SLC24A2: variants seen among roughly 807,000 people sequenced by gnomAD.
SLC24A2 encodes sodium/potassium/calcium exchanger 2.
Under a neutral mutation model 62.0 loss-of-function variants are expected in SLC24A2, and 36 were observed. The ratio of observed to expected loss-of-function variants is 0.58; its 90% CI spans 0.44 to 0.77. The LOEUF (loss-of-function observed/expected upper bound fraction) is 0.77. Ranked by LOEUF, SLC24A2 falls within the 30% of genes least tolerant of loss-of-function variation. The pLI, the probability that SLC24A2 is intolerant of heterozygous loss-of-function variation, is 0.00. For missense variants in SLC24A2, 846 were observed against 817.9 expected (o/e 1.03, Z -0.42); for synonymous variants, 358 against 294.0 (o/e 1.22, Z -2.23).
At chr9:19,923,547 TG>T in the SLC24A2 span, among the ~76,000 whole-genome samples, 3 of 152,100 alleles carry the variant, frequency 2.0e-5, no homozygotes, top group African/African-American at 7.2e-5. Flanking sequence ...TAGCCCACCT[TG>T]GAAGCCACAT....
the SLC24A2 span, among the ~76,000 whole-genome samples, chr9:20,205,897 C>A: frequency 6.6e-6 from 1 of 152,016 alleles, no homozygotes; most frequent in Non-Finnish European, 1.5e-5. Flanking sequence ...ATGAAGTCGA[C>A]AATGATATTA....
At chr9:20,154,477 C>T in the SLC24A2 span, among the ~76,000 whole-genome samples, 1 of 151,522 alleles carries the variant, frequency 6.6e-6, no homozygotes, top group African/African-American at 2.4e-5. Flanking sequence ...AGAAATGCAG[C>T]GGAGATGGGA....
chr9:19,590,394 T>C (rs917891715), intron 5 of SLC24A2, among the ~76,000 whole-genome samples: 1 of 152,098 alleles, frequency 6.6e-6, no homozygotes, highest in Admixed American at 6.6e-5. Flanking sequence ...TACTGAAACT[T>C]GACTATTTCC....
chr9:19,709,482 A>G (rs1324323966), intron 2 of SLC24A2, among the ~76,000 whole-genome samples: 1 of 152,102 alleles, frequency 6.6e-6, no homozygotes, highest in Non-Finnish European at 1.5e-5. Flanking sequence ...ACTATTCACA[A>G]TAGCAAAGAC....
the SLC24A2 span, among the ~76,000 whole-genome samples, chr9:19,849,559 C>A: frequency 6.6e-6 from 1 of 152,032 alleles, no homozygotes; most frequent in South Asian, 2.1e-4. Context: ...ATAAAGCACA[C>A]TGGGGAAAGA....
intron 2 of SLC24A2, among the ~76,000 whole-genome samples, chr9:19,673,051 A>G (rs1402683466): frequency 6.8e-6 from 1 of 146,320 alleles, no homozygotes; most frequent in Non-Finnish European, 1.5e-5. Flanking sequence ...TGTTAAGTGC[A>G]TTTGTTCCAG....
At chr9:19,572,754 A>G (rs1835876947) in intron 7 of SLC24A2, among the ~76,000 whole-genome samples, 1 of 152,238 alleles carries the variant, frequency 6.6e-6, no homozygotes, top group Admixed American at 6.5e-5. Context: ...TAGGTGTTTG[A>G]TAAATGTTAG....
the SLC24A2 span, among the ~76,000 whole-genome samples, chr9:20,184,152 A>G: frequency 0.53 from 80,379 of 152,050 alleles, 21,613 homozygotes; most frequent in South Asian, 0.59. Context: ...AATGGCCAAC[A>G]GGTTCATGAA....
chr9:19,892,156 G>C, the SLC24A2 span, among the ~76,000 whole-genome samples: 1 of 151,884 alleles, frequency 6.6e-6, no homozygotes, highest in Non-Finnish European at 1.5e-5. Flanking sequence ...CTTCCGTTTA[G>C]AATGTTTTTC....
At chr9:19,785,363 C>T (rs1182463564) in intron 2 of SLC24A2, among the ~76,000 whole-genome samples, 2 of 152,194 alleles carry the variant, frequency 1.3e-5, no homozygotes, top group Non-Finnish European at 2.9e-5. Flanking sequence ...ACAATGGATG[C>T]TGATCAGTTC....
At chr9:20,134,137 A>G in the SLC24A2 span, among the ~76,000 whole-genome samples, 10 of 152,144 alleles carry the variant, frequency 6.6e-5, no homozygotes, top group African/African-American at 2.4e-4. Flanking sequence ...AGCCAGAAAG[A>G]TACTCAAGAA....
At chr9:19,642,981 G>C (rs568466575) in intron 2 of SLC24A2, among the ~76,000 whole-genome samples, 1 of 123,048 alleles carries the variant, frequency 8.1e-6, no homozygotes, top group Admixed American at 9.5e-5. Context: ...TGCCTGGCCA[G>C]TATTCTTTTT....
the SLC24A2 span, among the ~76,000 whole-genome samples, chr9:19,833,899 A>G: frequency 6.6e-6 from 1 of 152,232 alleles, no homozygotes; most frequent in Non-Finnish European, 1.5e-5. Flanking sequence ...ACAATCAGGC[A>G]GCAGCATTTG....
At chr9:20,035,950 T>C in the SLC24A2 span, among the ~76,000 whole-genome samples, 2 of 152,098 alleles carry the variant, frequency 1.3e-5, no homozygotes, top group African/African-American at 4.8e-5. Flanking sequence ...TTGGCTCGGA[T>C]AGGAGTCCTA....
At chr9:19,953,194 C>T in the SLC24A2 span, among the ~76,000 whole-genome samples, 3 of 151,956 alleles carry the variant, frequency 2.0e-5, no homozygotes, top group Non-Finnish European at 4.4e-5. Flanking sequence ...GTAACGATTT[C>T]ATTGATTTTT....
chr9:19,523,424 A>G (rs1586886270), intron 9 of SLC24A2, among the ~76,000 whole-genome samples: 1 of 152,238 alleles, frequency 6.6e-6, no homozygotes, highest in Non-Finnish European at 1.5e-5. Context: ...AGTGTCAGGT[A>G]TAAAGCAAAT....
chr9:20,280,695 G>A, the SLC24A2 span, among the ~76,000 whole-genome samples: 1 of 152,206 alleles, frequency 6.6e-6, no homozygotes, highest in Admixed American at 6.5e-5. Flanking sequence ...CAGAGGCTAT[G>A]AATGTAGCCT....
intron 8 of SLC24A2, among the ~76,000 whole-genome samples, chr9:19,535,979 C>A (rs781230021): frequency 5.3e-5 from 8 of 150,624 alleles, no homozygotes; most frequent in African/African-American, 1.7e-4. Context: ...CATGAGCAGG[C>A]ATGTTGTTCC....
the SLC24A2 span, among the ~76,000 whole-genome samples, chr9:19,836,384 G>A: frequency 6.6e-6 from 1 of 152,070 alleles, no homozygotes; most frequent in Admixed American, 6.6e-5. Flanking sequence ...AATAAAAAAT[G>A]ACAAAGGGGA....
Sources: gnomAD v4.1 joint callset for allele counts (sites outside exome capture counted in the v4.1 genomes callset) on GRCh38, gnomAD v4.1.1 for gene constraint, MANE v1.5 for transcripts, NCBI Gene and HGNC (gene_info 2026-07-23, HGNC 2026-07-21) for gene names.